SPTLC2: variants seen among roughly 807,000 people sequenced by gnomAD.
The protein encoded by SPTLC2 is serine palmitoyltransferase long chain base subunit 2.
Under a neutral mutation model 62.0 loss-of-function variants are expected in SPTLC2, and 21 were observed. The ratio of observed to expected loss-of-function variants is 0.34; its 90% CI spans 0.24 to 0.49. SPTLC2 has a LOEUF of 0.49. SPTLC2 is among the 20% of genes least tolerant of loss of function. The pLI is 0.99. For missense variants in SPTLC2, 511 were observed against 713.0 expected (o/e 0.72, Z 3.23); for synonymous variants, 261 against 261.8 (o/e 1.00, Z 0.03).
chr14:77,588,276 T>C lies in SPTLC2; in HGVS notation c.327+8910A>G, dbSNP rs569665647. ...TCTACTAAAGAAGGAAATAGCCTTA[T>C]GAGATAGATTTAGAAGTAACTGAAA... On this transcript the variant is annotated intron_variant, in intron 2 of 11. Transcript: ENST00000216484. Among the ~76,000 whole-genome samples the C allele has an allele frequency of 2.6e-5, 4 of 152,236 alleles. No homozygotes were observed. The South Asian group carries it at 8.3e-4, about 32-fold the overall frequency.
chr14:77,555,824 T>C (rs1458430770), intron 7 of SPTLC2, among the ~76,000 whole-genome samples: 1 of 151,952 alleles, frequency 6.6e-6, no homozygotes, highest in Non-Finnish European at 1.5e-5. Flanking sequence ...TCCTCATGTT[T>C]CCCAGGCTAG....
At chr14:77,556,944 T>C in intron 7 of SPTLC2, 97 bp downstream of exon 7, 1 of 962,142 alleles carries the variant, frequency 1.0e-6, no homozygotes. Context: ...GTCTCCTTAG[T>C]TTCCAGAGGG....
intron 2 of SPTLC2, among the ~76,000 whole-genome samples, chr14:77,579,939 T>C (rs1370963439): frequency 6.6e-6 from 1 of 152,144 alleles, no homozygotes; most frequent in Non-Finnish European, 1.5e-5. Context: ...AAATAAAATG[T>C]AGTCATACAA....
intron 9 of SPTLC2, among the ~76,000 whole-genome samples, chr14:77,548,106 TA>T (rs1230997333): frequency 6.6e-6 from 1 of 152,178 alleles, no homozygotes; most frequent in Non-Finnish European, 1.5e-5. Flanking sequence ...AACAAAGAAG[TA>T]CAAAACTCTA....
intron 5 of SPTLC2, among the ~76,000 whole-genome samples, chr14:77,563,376 G>A (rs1317209084): frequency 6.6e-6 from 1 of 152,102 alleles, no homozygotes; most frequent in East Asian, 1.9e-4. Context: ...TTGGCCCTGT[G>A]GGACCTGCAG....
At chr14:77,544,986 G>T (rs900581855) in intron 9 of SPTLC2, among the ~76,000 whole-genome samples, 1 of 151,980 alleles carries the variant, frequency 6.6e-6, no homozygotes, top group Admixed American at 6.6e-5. Flanking sequence ...ATTGGAGTCA[G>T]ACTGCAGCCC....
rs1045458193 is a variant in SPTLC2 at position 77,509,022 on chromosome 14, G to A, written c.*3262C>T. ...TGTTCAACTCCTTGGTGTTTGAAGA[G>A]GCATGACACAAACATAGAGCCCTTA... On this transcript the variant is annotated 3_prime_UTR_variant, in exon 12 of 12. Coordinates refer to ENST00000216484, the MANE Select transcript of SPTLC2 (RefSeq NM_004863.4). 3 of 152,226 alleles carry A rather than the reference G, an allele frequency of 2.0e-5. No homozygotes were observed. The highest frequency in any genetic ancestry group is 4.8e-5 in the African/African-American group (2 of 41,454). 9.4% of individuals were successfully genotyped at this position (152,226 alleles called of 1,614,324 possible).
At position 77,506,143 on chromosome 14, in the gene SPTLC2, C is replaced by G. The variant is rs1490290995; in HGVS notation, c.*6141G>C. 6.6e-6 allele frequency: 1 copy of G among 152,170 alleles called. No homozygotes were observed. Among genetic ancestry groups the G allele is most frequent in the Non-Finnish European group, 1.5e-5 (1 of 68,036 alleles). 9.4% of individuals were successfully genotyped at this position (152,170 alleles called of 1,614,324 possible). A position where few individuals can be genotyped will look rare whatever the true frequency, so the allele number is the denominator to read the frequency against. ...AACCCAATACTCATCGCTTCACAGTCATCCAGTAAAGTACAAAATAAAAAT... is the reference window on the plus strand; with the variant it reads ...AACCCAATACTCATCGCTTCACAGTGATCCAGTAAAGTACAAAATAAAAAT... On this transcript the variant is annotated 3_prime_UTR_variant, in exon 12 of 12. Transcript: ENST00000216484.
intron 5 of SPTLC2, among the ~76,000 whole-genome samples, chr14:77,567,966 A>AT (rs1349337201): frequency 3.3e-5 from 5 of 151,800 alleles, no homozygotes; most frequent in African/African-American, 1.2e-4. Context: ...TATTTGCATT[A>AT]TATTTACTGG....
intron 1 of SPTLC2, among the ~76,000 whole-genome samples, chr14:77,613,288 C>A (rs2079947697): frequency 6.6e-6 from 1 of 152,168 alleles, no homozygotes; most frequent in South Asian, 2.1e-4. Context: ...AGATAAAGGA[C>A]TGAATTAAAT....
intron 9 of SPTLC2, among the ~76,000 whole-genome samples, chr14:77,541,965 G>C (rs1188626385): frequency 6.6e-6 from 1 of 151,744 alleles, no homozygotes. Flanking sequence ...GCTGAGGCAT[G>C]AGAATGGTTT....
rs2079364996 is a variant in SPTLC2, at chr14:77,517,507, T to C, written c.1569+531A>G. On this transcript the variant is annotated intron_variant, in intron 11 of 11. Coordinates refer to ENST00000216484, the MANE Select transcript of SPTLC2 (RefSeq NM_004863.4). ...GTGTGGTGGGTGCTGGGATATAGAATCAGTAAAACAGACTTATTCCTATCC... is the reference window on the plus strand; with the variant it reads ...GTGTGGTGGGTGCTGGGATATAGAACCAGTAAAACAGACTTATTCCTATCC... 2.6e-5 allele frequency among the ~76,000 whole-genome samples: 4 copies of C among 151,836 alleles called. No individual in the cohort carries two copies. In the South Asian group the frequency reaches 6.2e-4, roughly 24 times the overall value.
At chr14:77,573,651 C>CAA (rs2079697083) in intron 4 of SPTLC2, among the ~76,000 whole-genome samples, 1 of 152,134 alleles carries the variant, frequency 6.6e-6, no homozygotes, top group Non-Finnish European at 1.5e-5. Flanking sequence ...TTTCTTGAGA[C>CAA]AGAGTCTCAC....
intron 9 of SPTLC2, among the ~76,000 whole-genome samples, chr14:77,529,321 A>AGTAT (rs1246010419): frequency 6.7e-6 from 1 of 149,986 alleles, no homozygotes; most frequent in East Asian, 2.0e-4. Context: ...GACATGACAA[A>AGTAT]GTATGTTCTC....
intron 1 of SPTLC2, 75 bp downstream of exon 1, chr14:77,616,373 A>G: frequency 1.1e-6 from 1 of 948,202 alleles, no homozygotes; most frequent in Non-Finnish European, 1.4e-6. Flanking sequence ...GATGGCCCGG[A>G]GACCTCGCCC....
intron 4 of SPTLC2, among the ~76,000 whole-genome samples, chr14:77,572,899 G>C (rs1009058626): frequency 3.3e-5 from 5 of 152,168 alleles, no homozygotes; most frequent in Admixed American, 1.3e-4. Context: ...GATTAGATTT[G>C]GGTTTAAGGG....
intron 1 of SPTLC2, among the ~76,000 whole-genome samples, chr14:77,607,028 T>C (rs1207609307): frequency 6.6e-6 from 1 of 151,720 alleles, no homozygotes; most frequent in Non-Finnish European, 1.5e-5. Flanking sequence ...ATGAAACAAA[T>C]AAGAGGTAAG....
At chr14:77,543,862 C>A (rs1314581378) in intron 9 of SPTLC2, among the ~76,000 whole-genome samples, 1 of 152,184 alleles carries the variant, frequency 6.6e-6, no homozygotes, top group Admixed American at 6.5e-5. Flanking sequence ...AAAATGGCAA[C>A]TTAGCTCTGC....
chr14:77,552,002 CCTGA>C (rs1465782338), intron 9 of SPTLC2, 90 bp downstream of exon 9: 5 of 1,543,668 alleles, frequency 3.2e-6, no homozygotes, highest in African/African-American at 1.4e-5. Flanking sequence ...TATTAGTAAA[CCTGA>C]CTATTTATTT....
Sources: gnomAD v4.1 joint callset for allele counts (sites outside exome capture counted in the v4.1 genomes callset) on GRCh38, gnomAD v4.1.1 for gene constraint, MANE v1.5 for transcripts, NCBI Gene and HGNC (gene_info 2026-07-23, HGNC 2026-07-21) for gene names.